Variants in EID3 observed in about 807,000 individuals in gnomAD.
EID3 encodes EP300-interacting inhibitor of differentiation 3.
EID3 carries 3 observed loss-of-function variants against 1.6 expected under a neutral mutation model. That is an observed-to-expected ratio of 1.87 (90% CI 0.85 to 4.83). The LOEUF (loss-of-function observed/expected upper bound fraction) is 4.83. Ranked by LOEUF, EID3 falls within the 30% of genes most tolerant of loss-of-function variation. EID3 has a pLI of 0.02. For missense variants in EID3, 471 were observed against 409.9 expected, an observed-to-expected ratio of 1.15 and a Z score of -1.29; for synonymous variants, 164 against 148.1, an observed-to-expected ratio of 1.11 and a Z score of -0.78.
In EID3 at chr12:104,304,017, T is replaced by C. The variant is rs776903129; in HGVS notation, c.83T>C (p.Leu28Pro). The C allele has an allele frequency of 5.0e-6, 8 of 1,612,178 alleles. 1 individual carries two copies. Among genetic ancestry groups the C allele is most frequent in the Non-Finnish European group, 5.1e-6 (6 of 1,179,878 alleles). The change falls in exon 1 of 1, where the codon CTG becomes CCG. Residue 28 changes from leucine to proline, a missense_variant. By Grantham distance (98) the Leu-to-Pro change is moderately conservative (BLOSUM62 -3). Coordinates refer to ENST00000527879, the MANE Select transcript of EID3 (RefSeq NM_001008394.3). ...GAGGCCGACGTAGACCCAAAGCTCC[T>C]GGAGCTCACCGCTGACGAGGAGAAG... ...SGEADVDPKL[L>P]ELTADEEKCR...
Position 104,303,779 on chromosome 12 carries a change from C to G in EID3, c.-156C>G. Reference sequence around the variant, plus strand: ...CGGCTCTAACTGCCGCCACTTTCCACACGCTGGGAGGGCCGTTACCTCAGA... The same window carrying G: ...CGGCTCTAACTGCCGCCACTTTCCAGACGCTGGGAGGGCCGTTACCTCAGA... On this transcript the variant is annotated 5_prime_UTR_variant, in exon 1 of 1. Transcript: ENST00000527879. The G allele has an allele frequency of 7.9e-7, 1 of 1,260,866 alleles. No individual in the cohort carries two copies. Among genetic ancestry groups the G allele is most frequent in the Non-Finnish European group, 1.1e-6 (1 of 951,558 alleles). 78.1% of individuals were successfully genotyped at this position (1,260,866 alleles called of 1,614,324 possible). A position where few individuals can be genotyped will look rare whatever the true frequency, so the allele number is the denominator to read the frequency against.
Position 104,304,056 on chromosome 12 carries a change from G to C in EID3, c.122G>C (p.Arg41Pro). ...GACGAGGAGAAGTGCCGCAGCATCCGCAGGCAGTACCGGCAGCTCATGTAC... is the reference window on the plus strand; with the variant it reads ...GACGAGGAGAAGTGCCGCAGCATCCCCAGGCAGTACCGGCAGCTCATGTAC... ...TADEEKCRSIRRQYRQLMYCV... is the reference protein window; with the variant it reads ...TADEEKCRSIPRQYRQLMYCV... Residue 41 changes from arginine to proline, a missense_variant, in exon 1 of 1, where the codon CGC becomes CCC. Coordinates refer to ENST00000527879, the MANE Select transcript of EID3 (RefSeq NM_001008394.3). The C allele has an allele frequency of 6.2e-7, 1 of 1,613,846 alleles. No individual in the cohort carries two copies. The highest frequency in any genetic ancestry group is 8.5e-7 in the Non-Finnish European group (1 of 1,179,904).
In EID3 at chr12:104,304,550, C is replaced by T. The variant is rs770912295; in HGVS notation, c.616C>T (p.Gln206Ter). ...EENGNMPTKL[Q>*]KLDLSSYPEA... ...AAATGGCAACATGCCTACAAAGTTG[C>T]AGAAGTTGGACCTGAGTAGTTATCC... Residue 206 changes from glutamine to a stop codon, truncating the protein, a stop_gained, in exon 1 of 1, where the codon CAG becomes TAG. Transcript: ENST00000527879. LOFTEE classifies it low-confidence loss of function (END_TRUNC). 3.1e-6 allele frequency: 5 copies of T among 1,613,844 alleles called. No homozygotes were observed. Among genetic ancestry groups the T allele is most frequent in the Admixed American group, 1.7e-5 (1 of 59,980 alleles).
rs773711676 is a variant in EID3, at chr12:104,304,033, C to G, written c.99C>G (p.Asp33Glu). The G allele has an allele frequency of 6.2e-7, 1 of 1,613,246 alleles. No homozygotes were observed. The highest frequency in any genetic ancestry group is 8.5e-7 in the Non-Finnish European group (1 of 1,179,900). Residue 33 changes from aspartate to glutamate, a missense_variant, in exon 1 of 1, where the codon GAC (aspartate) becomes GAG (glutamate). Asp to Glu is a conservative substitution (Grantham distance 45). Transcript: ENST00000527879. ...CAAAGCTCCTGGAGCTCACCGCTGA[C>G]GAGGAGAAGTGCCGCAGCATCCGCA... ...VDPKLLELTADEEKCRSIRRQ... is the reference protein window; with the variant it reads ...VDPKLLELTAEEEKCRSIRRQ...
Position 104,305,160 on chromosome 12 carries a change from G to C in EID3, c.*224G>C. 2.2e-6 allele frequency: 1 copy of C among 447,812 alleles called. No individual in the cohort carries two copies. Among genetic ancestry groups the C allele is most frequent in the Non-Finnish European group, 3.9e-6 (1 of 254,214 alleles). The allele number at this position is 447,812 out of a possible 1,614,324, so 27.7% of individuals were successfully genotyped here. A position where few individuals can be genotyped will look rare whatever the true frequency, so the allele number is the denominator to read the frequency against. On this transcript the variant is annotated 3_prime_UTR_variant, in exon 1 of 1. Transcript: ENST00000527879. ...GGCATATTTATGGGAACGTTTTATTGAATGCCCTTTAAGACTATTAATAAA... is the reference window on the plus strand; with the variant it reads ...GGCATATTTATGGGAACGTTTTATTCAATGCCCTTTAAGACTATTAATAAA...
At position 104,304,313 on chromosome 12, in the gene EID3, G is replaced by T. The variant is rs575337548; in HGVS notation, c.379G>T (p.Val127Leu). ...ATTTTGTGACTTTCTGTTTCTGTTC[G>T]TGGGTCTGAATTGGATGGAAGGCGA... ...LAFCDFLFLF[V>L]GLNWMEGDPD... Residue 127 changes from valine to leucine, a missense_variant, in exon 1 of 1, where the codon GTG becomes TTG. Transcript: ENST00000527879. 12 of 1,613,878 alleles carry T rather than the reference G, an allele frequency of 7.4e-6. No homozygotes were observed. Among genetic ancestry groups the T allele is most frequent in the African/African-American group, 2.7e-5 (2 of 74,916 alleles).
chr12:104,304,162 C>T lies in EID3; in HGVS notation c.228C>T (p.Leu76=). The change falls in exon 1 of 1, where the codon CTC becomes CTT. Residue 76 remains leucine, a synonymous_variant. Coordinates refer to ENST00000527879, the MANE Select transcript of EID3 (RefSeq NM_001008394.3). The part of the protein sequence containing the change: ...LTEALEEANV[L]FDGVSRTREA... The stretch of plus-strand genomic sequence containing the variant: ...AGGCTCTGGAGGAAGCCAACGTCCT[C>T]TTTGATGGCGTGAGCCGAACCAGAG... 1 of 1,614,098 alleles carries T rather than the reference C, an allele frequency of 6.2e-7. No individual in the cohort carries two copies. The highest frequency in any genetic ancestry group is 8.5e-7 in the Non-Finnish European group (1 of 1,179,914).
rs2034744880 is a variant in EID3, at chr12:104,303,747, G to C, written c.-188G>C. 1 of 976,318 alleles carries C rather than the reference G, an allele frequency of 1.0e-6. No homozygotes were observed. The highest frequency in any genetic ancestry group is 1.7e-5 in the African/African-American group (1 of 59,102). The allele number at this position is 976,318 out of a possible 1,614,324, so 60.5% of individuals were successfully genotyped here. A position where few individuals can be genotyped will look rare whatever the true frequency, so the allele number is the denominator to read the frequency against. ...CCGGGCCGCTAGTGCGCATGGGCGG[G>C]CGTCCTCGGCTCTAACTGCCGCCAC... On this transcript the variant is annotated 5_prime_UTR_variant, in exon 1 of 1. Coordinates refer to ENST00000527879, the MANE Select transcript of EID3 (RefSeq NM_001008394.3).
Position 104,304,425 on chromosome 12 carries a change from A to C in EID3, c.491A>C (p.Lys164Thr). 1 of 1,613,996 alleles carries C rather than the reference A, an allele frequency of 6.2e-7. No individual in the cohort carries two copies. Among genetic ancestry groups the C allele is most frequent in the Non-Finnish European group, 8.5e-7 (1 of 1,179,884 alleles). Residue 164 changes from lysine to threonine, a missense_variant, in exon 1 of 1, where the codon AAA becomes ACA. By Grantham distance (78) the Lys-to-Thr change is moderately conservative (BLOSUM62 -1). Transcript: ENST00000527879. ...IEKEATSWMV[K>T]AETFHFVFGS... ...AAGGAAGCAACATCCTGGATGGTAA[A>C]AGCTGAGACATTCCATTTTGTTTTT...
In EID3 at chr12:104,303,812, G is replaced by A. The variant is rs990126788; in HGVS notation, c.-123G>A. ...GAGGGCCGTTACCTCAGAGATACCC[G>A]TGGCCGGCATGTTGGTTGAAAAAGC... On this transcript the variant is annotated 5_prime_UTR_variant, in exon 1 of 1. The change creates a new upstream start codon in the 5' untranslated region. Transcript: ENST00000527879. 1 of 1,398,590 alleles carries A rather than the reference G, an allele frequency of 7.2e-7. No individual in the cohort carries two copies. Among genetic ancestry groups the A allele is most frequent in the East Asian group, 2.5e-5 (1 of 39,346 alleles). 86.6% of individuals were successfully genotyped at this position (1,398,590 alleles called of 1,614,324 possible). A position where few individuals can be genotyped will look rare whatever the true frequency, so the allele number is the denominator to read the frequency against.
In EID3 at chr12:104,304,039, G is replaced by A; in HGVS notation, c.105G>A (p.Glu35=). 1.9e-6 allele frequency: 3 copies of A among 1,613,568 alleles called. No homozygotes were observed. The highest frequency in any genetic ancestry group is 1.7e-4 in the Middle Eastern group (1 of 6,050). ...PKLLELTADE[E]KCRSIRRQYR... Reference sequence around the variant, plus strand: ...TCCTGGAGCTCACCGCTGACGAGGAGAAGTGCCGCAGCATCCGCAGGCAGT... The same window carrying A: ...TCCTGGAGCTCACCGCTGACGAGGAAAAGTGCCGCAGCATCCGCAGGCAGT... The change falls in exon 1 of 1, where the codon GAG becomes GAA. Residue 35 remains glutamate (E), a synonymous_variant. Coordinates refer to ENST00000527879, the MANE Select transcript of EID3 (RefSeq NM_001008394.3).
chr12:104,304,244 G>T lies in EID3; in HGVS notation c.310G>T (p.Ala104Ser), dbSNP rs1429280095. ...VMASDLGKEK[A>S]KQLNSDMNFF... ...GGCTTCTGATTTGGGTAAAGAAAAG[G>T]CAAAGCAGTTAAACTCAGATATGAA... The change falls in exon 1 of 1, where the codon GCA (alanine) becomes TCA (serine). Residue 104 changes from alanine to serine, a missense_variant. By Grantham distance (99) the Ala-to-Ser change is moderately conservative. Coordinates refer to ENST00000527879, the MANE Select transcript of EID3 (RefSeq NM_001008394.3). The T allele has an allele frequency of 1.2e-6, 2 of 1,613,952 alleles. No individual in the cohort carries two copies. Among genetic ancestry groups the T allele is most frequent in the South Asian group, 2.2e-5 (2 of 91,092 alleles).
rs1304508941 is a variant in EID3, at chr12:104,304,695, G to A, written c.761G>A (p.Arg254His). The A allele has an allele frequency of 1.2e-6, 2 of 1,613,804 alleles. No individual in the cohort carries two copies. The highest frequency in any genetic ancestry group is 2.2e-5 in the East Asian group (1 of 44,882). Residue 254 changes from arginine to histidine, a missense_variant, in exon 1 of 1, where the codon CGT (arginine) becomes CAT (histidine). Transcript: ENST00000527879. Reference sequence around the variant, plus strand: ...GTGATTGATCCAAACTCTTTTTCTCGTACTGTGGAGAATATATTTTATGTT... The same window carrying A: ...GTGATTGATCCAAACTCTTTTTCTCATACTGTGGAGAATATATTTTATGTT... ...EFVIDPNSFS[R>H]TVENIFYVSF...
rs1343617948 is a variant in EID3 at position 104,303,789 on chromosome 12, G to C, written c.-146G>C. 4 of 1,288,278 alleles carry C rather than the reference G, an allele frequency of 3.1e-6. No individual in the cohort carries two copies. Among genetic ancestry groups the C allele is most frequent in the South Asian group, 1.6e-5 (1 of 62,398 alleles). The allele number at this position is 1,288,278 out of a possible 1,614,324, so 79.8% of individuals were successfully genotyped here. A position where few individuals can be genotyped will look rare whatever the true frequency, so the allele number is the denominator to read the frequency against. On this transcript the variant is annotated 5_prime_UTR_variant, in exon 1 of 1. Transcript: ENST00000527879. Reference sequence around the variant, plus strand: ...TGCCGCCACTTTCCACACGCTGGGAGGGCCGTTACCTCAGAGATACCCGTG... The same window carrying C: ...TGCCGCCACTTTCCACACGCTGGGACGGCCGTTACCTCAGAGATACCCGTG...
At position 104,304,694 on chromosome 12, in the gene EID3, C is replaced by T. The variant is rs768010297; in HGVS notation, c.760C>T (p.Arg254Cys). ...TGTGATTGATCCAAACTCTTTTTCT[C>T]GTACTGTGGAGAATATATTTTATGT... ...EFVIDPNSFS[R>C]TVENIFYVSF... Residue 254 changes from arginine to cysteine, a missense_variant, in exon 1 of 1, where the codon CGT (arginine) becomes TGT (cysteine). By Grantham distance (180) the Arg-to-Cys change is radical. Coordinates refer to ENST00000527879, the MANE Select transcript of EID3 (RefSeq NM_001008394.3). The T allele has an allele frequency of 5.6e-6, 9 of 1,613,854 alleles. No homozygotes were observed. The highest frequency in any genetic ancestry group is 2.2e-5 in the East Asian group (1 of 44,880).
rs925464476 is a variant in EID3, at chr12:104,304,335, G to GA, written c.401_402insA (p.Asp135ArgfsTer3). On this transcript the variant is annotated frameshift_variant, in exon 1 of 1. Coordinates refer to ENST00000527879, the MANE Select transcript of EID3 (RefSeq NM_001008394.3). LOFTEE classifies it low-confidence loss of function (END_TRUNC). ...TTCGTGGGTCTGAATTGGATGGAAG[G>GA]CGATCCTGACAAGTTGAGTGATTGT... 5 of 1,613,924 alleles carry GA rather than the reference G, an allele frequency of 3.1e-6. No homozygotes were observed. The highest frequency in any genetic ancestry group is 4.2e-6 in the Non-Finnish European group (5 of 1,179,918).
chr12:104,303,967 C>A lies in EID3; in HGVS notation c.33C>A (p.Gly11=). The part of the protein sequence containing the change: MKMDVSVRAA[G]CSDDLSSGEA... ...TGGATGTGTCAGTGAGGGCCGCGGG[C>A]TGCTCCGACGACCTCAGCTCTGGGG... The change falls in exon 1 of 1, where the codon GGC becomes GGA. Residue 11 remains glycine, a synonymous_variant. Transcript: ENST00000527879. 6.2e-7 allele frequency: 1 copy of A among 1,603,840 alleles called. No homozygotes were observed. Among genetic ancestry groups the A allele is most frequent in the South Asian group, 1.1e-5 (1 of 90,742 alleles).
rs1565889599 is a variant in EID3, at chr12:104,304,526, A to G, written c.592A>G (p.Asn198Asp). ...HQKKVRKMEENGNMPTKLQKL... is the reference protein window; with the variant it reads ...HQKKVRKMEEDGNMPTKLQKL... ...GAAAAAAGTTCGCAAGATGGAAGAA[A>G]ATGGCAACATGCCTACAAAGTTGCA... Residue 198 changes from asparagine (N) to aspartate (D), a missense_variant, in exon 1 of 1, where the codon AAT becomes GAT. Coordinates refer to ENST00000527879, the MANE Select transcript of EID3 (RefSeq NM_001008394.3). 13 of 1,613,908 alleles carry G rather than the reference A, an allele frequency of 8.1e-6. No individual in the cohort carries two copies. The highest frequency in any genetic ancestry group is 1.1e-5 in the Non-Finnish European group (13 of 1,179,900).
chr12:104,304,707 A>G lies in EID3; in HGVS notation c.773A>G (p.Asn258Ser). 2 of 1,613,796 alleles carry G rather than the reference A, an allele frequency of 1.2e-6. No homozygotes were observed. The highest frequency in any genetic ancestry group is 1.7e-6 in the Non-Finnish European group (2 of 1,179,838). ...AACTCTTTTTCTCGTACTGTGGAGA[A>G]TATATTTTATGTTTCTTTTATTGTA... ...DPNSFSRTVE[N>S]IFYVSFIVRD... Residue 258 changes from asparagine to serine, a missense_variant, in exon 1 of 1, where the codon AAT (asparagine) becomes AGT (serine). Asn to Ser is a conservative substitution (Grantham distance 46, BLOSUM62 1). Coordinates refer to ENST00000527879, the MANE Select transcript of EID3 (RefSeq NM_001008394.3).
Sources: allele counts gnomAD v4.1 joint callset, GRCh38; gene constraint gnomAD v4.1.1; transcripts MANE v1.5; gene names NCBI Gene and HGNC (gene_info 2026-07-23, HGNC 2026-07-21).